Variants in CABLES2 observed in about 807,000 individuals in gnomAD.
CABLES2 encodes the protein CDK5 and ABL1 enzyme substrate 2.
A neutral mutation model predicts 44.8 loss-of-function variants in CABLES2; 35 were observed. The ratio of observed to expected loss-of-function variants is 0.78; its 90% CI spans 0.60 to 1.04. The LOEUF is 1.04. CABLES2 is among the 50% of genes least tolerant of loss of function. The pLI is 0.00. For synonymous variants in CABLES2, 282 were observed against 281.1 expected (o/e 1.00, Z -0.03); for missense variants, 566 against 615.7 (o/e 0.92, Z 0.85).
At position 62,394,972 on chromosome 20, in the gene CABLES2, G is replaced by A; in HGVS notation, c.570C>T (p.Phe190=). Residue 190 remains phenylalanine (F), a synonymous_variant, in exon 4 of 10, where the codon TTC becomes TTT. Coordinates refer to ENST00000279101, the MANE Select transcript of CABLES2 (RefSeq NM_031215.3). ...ICAKRSLCAA[F]SVLPYGEGLR... is the part of the protein sequence containing the mutation. ...GGCCTTCCCCATAGGGCAGGACCGA[G>A]AAGGCCGCGCACAGGGACCGCTTGG... 6.2e-7 allele frequency: 1 copy of A among 1,613,024 alleles called. No homozygotes were observed. Among genetic ancestry groups the A allele is most frequent in the Non-Finnish European group, 8.5e-7 (1 of 1,179,962 alleles).
At chr20:62,397,914 GCAGTGGTGATGGTGGTGGTGGTGA>G (rs1988050284) in intron 1 of CABLES2, among the ~76,000 whole-genome samples, 1 of 107,660 alleles carries the variant, frequency 9.3e-6, no homozygotes, top group African/African-American at 3.0e-5. Context: ...GATGGTGATG[GCAGTGGTGATGGTGGTGGTGGTGA>G]TGGTGGTGAC....
intron 1 of CABLES2, chr20:62,403,600 G>C (rs1988228520): frequency 6.6e-6 from 1 of 152,420 alleles, no homozygotes; most frequent in Admixed American, 6.5e-5. Flanking sequence ...GGCCACGCTG[G>C]TGCCGTAAGC....
intron 1 of CABLES2, among the ~76,000 whole-genome samples, chr20:62,406,637 G>C (rs79135273): frequency 2.3e-4 from 9 of 39,978 alleles, no homozygotes; most frequent in African/African-American, 9.5e-4. Context: ...TGTGTCCTGG[G>C]CTGATGAGGG....
chr20:62,390,684 G>A lies in CABLES2; in HGVS notation c.*287C>T. 2 of 440,416 alleles carry A rather than the reference G, an allele frequency of 4.5e-6. No homozygotes were observed. The highest frequency in any genetic ancestry group is 8.4e-6 in the Non-Finnish European group (2 of 238,796). 27.3% of individuals were successfully genotyped at this position (440,416 alleles called of 1,614,324 possible). A position where few individuals can be genotyped will look rare whatever the true frequency, so the allele number is the denominator to read the frequency against. On this transcript the variant is annotated 3_prime_UTR_variant, in exon 10 of 10. Coordinates refer to ENST00000279101, the MANE Select transcript of CABLES2 (RefSeq NM_031215.3). ...AGGTCCTGGTACCAGGCTGGTCTCA[G>A]GCACGTGAAAAAAATACCAGTAACA...
chr20:62,397,980 ATGGCGGTGG>A (rs779002559), intron 1 of CABLES2, among the ~76,000 whole-genome samples: 26,604 of 96,274 alleles, frequency 0.28, 2,762 homozygotes, highest in Middle Eastern at 0.39. Context: ...GACAGTGGTG[ATGGCGGTGG>A]TGGTGATGAT....
chr20:62,398,139 A>ATGGCGATGGTGATGG (rs1601476171), intron 1 of CABLES2, among the ~76,000 whole-genome samples: 2 of 45,550 alleles, frequency 4.4e-5, no homozygotes, highest in East Asian at 1.1e-3. Flanking sequence ...GACGGTGGTG[A>ATGGCGATGGTGATGG]TGGTGGTGGT....
chr20:62,405,130 G>C (rs1013308696), intron 1 of CABLES2: 2 of 152,300 alleles, frequency 1.3e-5, no homozygotes, highest in Non-Finnish European at 2.9e-5. Context: ...CAGTCTGCCT[G>C]GTGTCACCAT....
rs762727571 is a variant in CABLES2 at position 62,395,019 on chromosome 20, A to C, written c.528-5T>G. 3 of 1,611,976 alleles carry C rather than the reference A, an allele frequency of 1.9e-6. No homozygotes were observed. The highest frequency in any genetic ancestry group is 2.5e-6 in the Non-Finnish European group (3 of 1,179,332). Reference sequence around the variant, plus strand: ...TTGGCACAGATGAGCACGATCCTGCAGGGGGACGGAGTCAGGGGAGACGGG... The same window carrying C: ...TTGGCACAGATGAGCACGATCCTGCCGGGGGACGGAGTCAGGGGAGACGGG... On this transcript the variant is annotated splice_region_variant and splice_polypyrimidine_tract_variant and intron_variant, in intron 3 of 9. Coordinates refer to ENST00000279101, the MANE Select transcript of CABLES2 (RefSeq NM_031215.3).
At chr20:62,395,835 T>C (rs1408924733) in intron 3 of CABLES2, among the ~76,000 whole-genome samples, 1 of 152,188 alleles carries the variant, frequency 6.6e-6, no homozygotes, top group East Asian at 1.9e-4. Flanking sequence ...GTGATGGGAA[T>C]ACGGGGCCAC....
intron 1 of CABLES2, among the ~76,000 whole-genome samples, chr20:62,400,374 G>A (rs1382640569): frequency 2.0e-5 from 3 of 152,214 alleles, no homozygotes; most frequent in Non-Finnish European, 2.9e-5. Flanking sequence ...TGTGGCAGAC[G>A]CCGGCTGTCC....
intron 5 of CABLES2, 24 bp from the exon 6 acceptor site, chr20:62,393,629 C>T (rs964477264): frequency 6.5e-7 from 1 of 1,548,946 alleles, no homozygotes; most frequent in Non-Finnish European, 8.7e-7. Context: ...TGCATCTGGC[C>T]TCAGCTCTGC....
rs1987954562 is a variant in CABLES2, at chr20:62,393,336, G to A, written c.880+104C>T. ...TCCCCAGGCTCCATCTGCACGGAGGGCTACAGATTGAAAGGGGCTTGCTGA... is the reference window on the plus strand; with the variant it reads ...TCCCCAGGCTCCATCTGCACGGAGGACTACAGATTGAAAGGGGCTTGCTGA... On this transcript the variant is annotated intron_variant, in intron 6 of 9. Coordinates refer to ENST00000279101, the MANE Select transcript of CABLES2 (RefSeq NM_031215.3). 4 of 1,213,818 alleles carry A rather than the reference G, an allele frequency of 3.3e-6. No individual in the cohort carries two copies. In the African/African-American group the frequency reaches 4.6e-5, roughly 14 times the overall value. 75.2% of individuals were successfully genotyped at this position (1,213,818 alleles called of 1,614,324 possible). A position where few individuals can be genotyped will look rare whatever the true frequency, so the allele number is the denominator to read the frequency against.
chr20:62,396,466 G>T lies in CABLES2; in HGVS notation c.434+55C>A. On this transcript the variant is annotated intron_variant, in intron 2 of 9. Transcript: ENST00000279101. The surrounding 1 kb of genome is among the most constrained non-coding windows in gnomAD (Gnocchi z 5.7). Reference sequence around the variant, plus strand: ...TCCCAGGACCCTCTGGCCCCGCAGGGGTCAGTGGCAGCCCGAGCGGAGTCG... The same window carrying T: ...TCCCAGGACCCTCTGGCCCCGCAGGTGTCAGTGGCAGCCCGAGCGGAGTCG... The T allele has an allele frequency of 6.2e-7, 1 of 1,613,108 alleles. No homozygotes were observed. Among genetic ancestry groups the T allele is most frequent in the African/African-American group, 1.3e-5 (1 of 75,000 alleles).
rs751996005 is a variant in CABLES2, at chr20:62,391,417, G to C, written c.1128C>G (p.Cys376Trp). The change falls in exon 9 of 10, where the codon TGC becomes TGG. Residue 376 changes from cysteine to tryptophan, a missense_variant. Cys to Trp is a radical substitution (Grantham distance 215). Coordinates refer to ENST00000279101, the MANE Select transcript of CABLES2 (RefSeq NM_031215.3). This position sits in a 1 kb window ranked among gnomAD's most constrained non-coding sequence, Gnocchi z 5.7. The stretch of plus-strand genomic sequence containing the variant: ...TGGCCACCGTCACGGGCTCCAGGCT[G>C]CACTCCTCCGACAGGCTCCGCATCT... ...KREMRSLSEE[C>W]SLEPVTVAMA... The C allele has an allele frequency of 6.2e-7, 1 of 1,613,144 alleles. No individual in the cohort carries two copies. The highest frequency in any genetic ancestry group is 8.5e-7 in the Non-Finnish European group (1 of 1,180,018).
In CABLES2 at chr20:62,394,292, T is replaced by C. The variant is rs756902772; in HGVS notation, c.606-27A>G. 5.0e-6 allele frequency: 8 copies of C among 1,590,988 alleles called. No individual in the cohort carries two copies. The Admixed American group carries it at 8.3e-5, about 17-fold the overall frequency. ...TGCAAACATGGGAGAGGCAAGGGGC[T>C]GTGGTCTGCGCTGAACTCAGGCTCT... is the stretch of plus-strand genomic sequence containing the variant. On this transcript the variant is annotated intron_variant, in intron 4 of 9. Coordinates refer to ENST00000279101, the MANE Select transcript of CABLES2 (RefSeq NM_031215.3).
Position 62,407,281 on chromosome 20 carries a change from A to G in CABLES2, c.-5T>C. ...ACCGGCCGCGGCCGCGGCCATCCTC[A>G]GACTGCGCCCGCCGCCGCGAAGCGC... On this transcript the variant is annotated 5_prime_UTR_variant, in exon 1 of 10. Coordinates refer to ENST00000279101, the MANE Select transcript of CABLES2 (RefSeq NM_031215.3). The G allele has an allele frequency of 2.3e-6, 1 of 439,052 alleles. No homozygotes were observed. Among genetic ancestry groups the G allele is most frequent in the South Asian group, 9.6e-5 (1 of 10,468 alleles). The allele number at this position is 439,052 out of a possible 1,614,324, so 27.2% of individuals were successfully genotyped here.
intron 7 of CABLES2, 47 bp from the exon 8 acceptor site, chr20:62,392,542 A>G (rs747224277): frequency 6.5e-5 from 87 of 1,345,114 alleles, no homozygotes; most frequent in Non-Finnish European, 8.8e-5. Flanking sequence ...CGCACAGTCC[A>G]TGGGTCCTGC....
At position 62,394,920 on chromosome 20, in the gene CABLES2, A is replaced by C; in HGVS notation, c.605+17T>G. On this transcript the variant is annotated intron_variant, in intron 4 of 9. Coordinates refer to ENST00000279101, the MANE Select transcript of CABLES2 (RefSeq NM_031215.3). ...CCTAGATGGACACCGCATGCGAGGC[A>C]AGCGCTGAGTACTCACCTGATCCGC... 1 of 1,610,260 alleles carries C rather than the reference A, an allele frequency of 6.2e-7. No homozygotes were observed. The highest frequency in any genetic ancestry group is 8.5e-7 in the Non-Finnish European group (1 of 1,178,426).
At chr20:62,398,163 A>ATGG (rs1241002128) in intron 1 of CABLES2, among the ~76,000 whole-genome samples, 13 of 50,834 alleles carry the variant, frequency 2.6e-4, no homozygotes, top group Non-Finnish European at 4.1e-4. Flanking sequence ...GGTGACGGTG[A>ATGG]TGGTGGTAAT....
Sources: allele counts gnomAD v4.1 joint callset (sites outside exome capture counted in the v4.1 genomes callset), GRCh38; gene constraint gnomAD v4.1.1; non-coding constraint Gnocchi (gnomAD v3.1); transcripts MANE v1.5; gene names NCBI Gene and HGNC (gene_info 2026-07-23, HGNC 2026-07-21).